The following MIR2052HG variants were observed in gnomAD, a reference collection of about 807,000 sequenced individuals.
The protein encoded by MIR2052HG is MIR2052 host gene.
intron 1 of MIR2052HG, chr8:74,612,652 C>T: frequency 6.1e-6 from 2 of 329,018 alleles, no homozygotes; most frequent in South Asian, 4.9e-5. Flanking sequence ...ATCATCTTTA[C>T]CTTTAGAAAG....
intron 2 of MIR2052HG, among the ~76,000 whole-genome samples, chr8:74,680,481 A>C (rs1459811904): frequency 6.6e-6 from 1 of 152,218 alleles, no homozygotes; most frequent in Non-Finnish European, 1.5e-5. Context: ...ATCACTGGCC[A>C]TCAGAGAAAT....
chr8:74,725,897 A>G (rs1323282286), intron 4 of MIR2052HG, among the ~76,000 whole-genome samples: 1 of 99,076 alleles, frequency 1.0e-5, no homozygotes, highest in Non-Finnish European at 2.5e-5. Flanking sequence ...GAGGAGTGGG[A>G]AAAAAAACAG....
intron 4 of MIR2052HG, among the ~76,000 whole-genome samples, chr8:74,717,975 T>A (rs1446631117): frequency 1.3e-5 from 2 of 152,218 alleles, no homozygotes; most frequent in Non-Finnish European, 2.9e-5. Context: ...CATCTTAAAA[T>A]GTTTTCTGCT....
At chr8:74,712,477 T>C (rs142063754) in intron 4 of MIR2052HG, among the ~76,000 whole-genome samples, 1 of 152,282 alleles carries the variant, frequency 6.6e-6, no homozygotes, top group East Asian at 1.9e-4. Context: ...AGTTTTAATA[T>C]CTCTCTTGAG....
At chr8:74,721,111 T>G (rs1189943508) in intron 4 of MIR2052HG, among the ~76,000 whole-genome samples, 1 of 152,144 alleles carries the variant, frequency 6.6e-6, no homozygotes, top group Non-Finnish European at 1.5e-5. Context: ...GGGCTGTGCC[T>G]TTGTGCTCTG....
chr8:74,632,244 G>C (rs1392947018), intron 2 of MIR2052HG, among the ~76,000 whole-genome samples: 1 of 152,094 alleles, frequency 6.6e-6, no homozygotes, highest in East Asian at 1.9e-4. Flanking sequence ...GCTTCTCCTG[G>C]ACCACAGCAT....
At chr8:74,722,935 C>T (rs980778363) in intron 4 of MIR2052HG, among the ~76,000 whole-genome samples, 2 of 152,190 alleles carry the variant, frequency 1.3e-5, no homozygotes, top group African/African-American at 4.8e-5. Context: ...CTCTGGAGAT[C>T]TTTCTCTAGT....
At chr8:74,619,195 C>T (rs1563514359) in intron 2 of MIR2052HG, among the ~76,000 whole-genome samples, 1 of 152,034 alleles carries the variant, frequency 6.6e-6, no homozygotes, top group Non-Finnish European at 1.5e-5. Context: ...ATCCATACTA[C>T]CCAAAGCAAT....
chr8:74,699,574 G>A (rs2128740704), intron 2 of MIR2052HG, among the ~76,000 whole-genome samples: 1 of 152,146 alleles, frequency 6.6e-6, no homozygotes, highest in South Asian at 2.1e-4. Context: ...CTCACAAGTG[G>A]GAGCTAAGCT....
intron 2 of MIR2052HG, among the ~76,000 whole-genome samples, chr8:74,674,440 T>C (rs1339778430): frequency 6.6e-6 from 1 of 151,582 alleles, no homozygotes; most frequent in Admixed American, 6.6e-5. Flanking sequence ...ATAATTATAA[T>C]GCAAAAAAAT....
intron 4 of MIR2052HG, among the ~76,000 whole-genome samples, chr8:74,712,645 C>T (rs967351460): frequency 6.6e-6 from 1 of 151,128 alleles, no homozygotes; most frequent in African/African-American, 2.4e-5. Flanking sequence ...TGTATTACAA[C>T]TTGGCTACTG....
chr8:74,743,741 A>G (rs964445334), intron 4 of MIR2052HG, among the ~76,000 whole-genome samples: 3 of 152,324 alleles, frequency 2.0e-5, no homozygotes, highest in South Asian at 2.1e-4. Flanking sequence ...TGAAAAATCA[A>G]CCTTACAACC....
intron 2 of MIR2052HG, among the ~76,000 whole-genome samples, chr8:74,694,513 C>A (rs989449801): frequency 6.6e-6 from 1 of 152,182 alleles, no homozygotes; most frequent in Non-Finnish European, 1.5e-5. Flanking sequence ...AAGAAGTAAT[C>A]TCTGAATTGC....
At chr8:74,676,797 C>T (rs930215315) in intron 2 of MIR2052HG, among the ~76,000 whole-genome samples, 1 of 151,896 alleles carries the variant, frequency 6.6e-6, no homozygotes, top group Non-Finnish European at 1.5e-5. Flanking sequence ...TCCAAGTGTA[C>T]TTACAACACA....
intron 2 of MIR2052HG, among the ~76,000 whole-genome samples, chr8:74,684,628 G>A (rs1044672748): frequency 6.6e-6 from 1 of 152,018 alleles, no homozygotes; most frequent in African/African-American, 2.4e-5. Context: ...TCAAAAAGAA[G>A]CACTTAGAGT....
intron 1 of MIR2052HG, among the ~76,000 whole-genome samples, chr8:74,602,214 A>G (rs1242484717): frequency 9.2e-5 from 14 of 152,222 alleles, no homozygotes; most frequent in Non-Finnish European, 1.8e-4. Context: ...CAAGATGGTG[A>G]TGAAAGTGAC....
chr8:74,634,055 G>A (rs1808552010), intron 2 of MIR2052HG, among the ~76,000 whole-genome samples: 1 of 152,170 alleles, frequency 6.6e-6, no homozygotes, highest in African/African-American at 2.4e-5. Context: ...AGGACATTAA[G>A]TTATTTCAGT....
intron 2 of MIR2052HG, among the ~76,000 whole-genome samples, chr8:74,660,169 C>T (rs1291312019): frequency 5.3e-5 from 8 of 152,128 alleles, no homozygotes; most frequent in African/African-American, 9.7e-5. Context: ...TGGCTCTTCT[C>T]GGCTCACCTG....
At chr8:74,755,050 C>T (rs551192273) in intron 5 of MIR2052HG, among the ~76,000 whole-genome samples, 1 of 152,318 alleles carries the variant, frequency 6.6e-6, no homozygotes, top group Admixed American at 6.5e-5. Context: ...AGGGGACCCA[C>T]AGCTGAATCA....
Sources: allele counts gnomAD v4.1 joint callset (sites outside exome capture counted in the v4.1 genomes callset), GRCh38; gene constraint gnomAD v4.1.1; transcripts MANE v1.5; gene names NCBI Gene and HGNC (gene_info 2026-07-23, HGNC 2026-07-21).